ABCA9: variants seen among roughly 807,000 people sequenced by gnomAD.
ABCA9 encodes ATP-binding cassette sub-family A member 9.
A neutral mutation model predicts 205.3 loss-of-function variants in ABCA9; 183 were observed. That is an observed-to-expected ratio of 0.89 (90% CI 0.79 to 1.01). ABCA9 has a LOEUF of 1.01. ABCA9 is among the 50% of genes least tolerant of loss of function. ABCA9 has a pLI of 0.00. For missense variants in ABCA9, 1,805 were observed against 1,912.4 expected, an observed-to-expected ratio of 0.94 and a Z score of 1.05; for synonymous variants, 651 against 683.3, an observed-to-expected ratio of 0.95 and a Z score of 0.74.
At chr17:69,069,425 T>C in the ABCA9 span, among the ~76,000 whole-genome samples, 7 of 152,128 alleles carry the variant, frequency 4.6e-5, no homozygotes, top group Non-Finnish European at 1.0e-4. Flanking sequence ...GGGCAAAGCC[T>C]GTGGGCCTCA....
At chr17:69,015,824 A>T (rs1452574970) in intron 22 of ABCA9, among the ~76,000 whole-genome samples, 1 of 152,054 alleles carries the variant, frequency 6.6e-6, no homozygotes, top group African/African-American at 2.4e-5. Context: ...CTGACCTTTA[A>T]GTCTGTTTCA....
chr17:69,002,311 A>G (rs1442375026), intron 25 of ABCA9, among the ~76,000 whole-genome samples: 2 of 120,392 alleles, frequency 1.7e-5, no homozygotes, highest in Admixed American at 1.7e-4. Flanking sequence ...AGATTCTGGT[A>G]TGTTGTGTCT....
In ABCA9 at chr17:69,032,258, C is replaced by A; in HGVS notation, c.1295G>T (p.Cys432Phe). 1 of 1,613,524 alleles carries A rather than the reference C, an allele frequency of 6.2e-7. No homozygotes were observed. The highest frequency in any genetic ancestry group is 2.2e-5 in the East Asian group (1 of 44,842). ...KILPAEYGHR[C>F]SPLFFLKSCF... is the part of the protein sequence containing the mutation. ...GGATTTCAGGAAAAACAAGGGAGAA[C>A]ATCGATGTCCATATTCAGCTATGTG... Residue 432 changes from cysteine (C) to phenylalanine (F), a missense_variant, in exon 10 of 39, where the codon TGT becomes TTT. By Grantham distance (205) the Cys-to-Phe change is radical. Transcript: ENST00000340001.
chr17:68,993,709 C>T (rs756103996), intron 26 of ABCA9, among the ~76,000 whole-genome samples: 7 of 152,182 alleles, frequency 4.6e-5, no homozygotes, highest in Non-Finnish European at 7.3e-5. Flanking sequence ...ACTATCACAG[C>T]CATCCACCAT....
intron 25 of ABCA9, among the ~76,000 whole-genome samples, chr17:69,003,397 GA>G: frequency 6.9e-6 from 1 of 145,036 alleles, no homozygotes; most frequent in South Asian, 2.3e-4. Flanking sequence ...GGCTGGATAT[GA>G]AATTCTGGGT....
chr17:69,009,525 T>C (rs1351471733), intron 23 of ABCA9, among the ~76,000 whole-genome samples: 4 of 152,194 alleles, frequency 2.6e-5, no homozygotes, highest in Non-Finnish European at 4.4e-5. Context: ...CCCAGATCAC[T>C]CATGGCTTTC....
chr17:69,011,694 T>C (rs2070380634), intron 23 of ABCA9: 1 of 283,236 alleles, frequency 3.5e-6, no homozygotes, highest in Admixed American at 5.2e-5. Flanking sequence ...TGTGATTATG[T>C]CTGTGAGTAA....
upstream of ABCA9, chr17:69,061,126 G>A: frequency 1.0e-6 from 1 of 985,282 alleles, no homozygotes; most frequent in Non-Finnish European, 1.2e-6. Context: ...TACTCAGCAG[G>A]GAGTTTGTAG....
chr17:69,055,161 C>G (rs2072031059), intron 1 of ABCA9, among the ~76,000 whole-genome samples: 1 of 152,108 alleles, frequency 6.6e-6, no homozygotes, highest in Non-Finnish European at 1.5e-5. Context: ...TGTCAATAAT[C>G]ACTTTGATCA....
chr17:68,986,155 C>T lies in ABCA9; in HGVS notation c.4208+9G>A. On this transcript the variant is annotated intron_variant, in intron 32 of 38. Coordinates refer to ENST00000340001, the MANE Select transcript of ABCA9 (RefSeq NM_080283.4). ...CCAGCAAAGGGGAGTGCCCCCCAGTCCCAGGTACCGTGTGATGGCGATCAT... is the reference window on the plus strand; with the variant it reads ...CCAGCAAAGGGGAGTGCCCCCCAGTTCCAGGTACCGTGTGATGGCGATCAT... The T allele has an allele frequency of 6.2e-7, 1 of 1,601,272 alleles. No individual in the cohort carries two copies. Among genetic ancestry groups the T allele is most frequent in the Non-Finnish European group, 8.5e-7 (1 of 1,173,530 alleles).
chr17:69,027,729 T>A lies in ABCA9; in HGVS notation c.1702A>T (p.Asn568Tyr). The A allele has an allele frequency of 6.2e-7, 1 of 1,613,324 alleles. No homozygotes were observed. The highest frequency in any genetic ancestry group is 8.5e-7 in the Non-Finnish European group (1 of 1,179,634). ...SKFTGFCPQS[N>Y]VQFGFLTVKE... ...ACAGTGAGAAATCCAAATTGCACAT[T>A]GGATTGTGGACAAAATCCAGTGAAC... The change falls in exon 13 of 39, where the codon AAT (asparagine) becomes TAT (tyrosine). Residue 568 changes from asparagine (N) to tyrosine (Y), a missense_variant. Asn to Tyr is a moderately radical substitution (Grantham distance 143). Transcript: ENST00000340001.
rs2068855512 is a variant in ABCA9 at position 68,974,501 on chromosome 17, G to A, written c.*1414C>T. The A allele has an allele frequency of 6.6e-6, 1 of 152,186 alleles. No homozygotes were observed. Among genetic ancestry groups the A allele is most frequent in the Non-Finnish European group, 1.5e-5 (1 of 68,042 alleles). 9.4% of individuals were successfully genotyped at this position (152,186 alleles called of 1,614,324 possible). ...AGACGAATATTCTTACGGGTTGATG[G>A]AAGTGTTTTATTTTCAAAAACTAGA... is the stretch of plus-strand genomic sequence containing the variant. On this transcript the variant is annotated 3_prime_UTR_variant, in exon 39 of 39. Transcript: ENST00000340001.
chr17:68,982,532 A>G lies in ABCA9; in HGVS notation c.4720+30T>C, dbSNP rs187225963. 7.4e-5 allele frequency: 115 copies of G among 1,555,216 alleles called. No homozygotes were observed. In the African/African-American group the frequency reaches 1.3e-3, roughly 18 times the overall value. On this transcript the variant is annotated intron_variant, in intron 37 of 38. Coordinates refer to ENST00000340001, the MANE Select transcript of ABCA9 (RefSeq NM_080283.4). Reference sequence around the variant, plus strand: ...TCAGATTTAGGCTTATCTGTTTCCCAGAGTTTTGTCTCTAAACAGTCACTC... The same window carrying G: ...TCAGATTTAGGCTTATCTGTTTCCCGGAGTTTTGTCTCTAAACAGTCACTC...
intron 37 of ABCA9, among the ~76,000 whole-genome samples, chr17:68,981,781 G>C (rs761282293): frequency 7.1e-6 from 1 of 141,214 alleles, no homozygotes; most frequent in South Asian, 2.3e-4. Flanking sequence ...AGCCGAGATT[G>C]TGCCACTGCA....
chr17:69,029,339 T>C, intron 10 of ABCA9, 112 bp from the exon 11 acceptor site: 1 of 617,482 alleles, frequency 1.6e-6, no homozygotes, highest in Non-Finnish European at 2.7e-6. Flanking sequence ...GATTCTTTTC[T>C]TGTAAAGCCT....
Position 69,035,651 on chromosome 17 carries a change from C to G in ABCA9, c.942+9G>C. 2 of 1,611,836 alleles carry G rather than the reference C, an allele frequency of 1.2e-6. No individual in the cohort carries two copies. The highest frequency in any genetic ancestry group is 1.7e-6 in the Non-Finnish European group (2 of 1,179,174). On this transcript the variant is annotated intron_variant, in intron 7 of 38. Coordinates refer to ENST00000340001, the MANE Select transcript of ABCA9 (RefSeq NM_080283.4). ...GAATAAAAGACTTAGATGAAATTAA[C>G]CAACTCACCAAAGACAGGCCATAGA...
chr17:69,032,827 C>G (rs1342950394), intron 9 of ABCA9: 1 of 152,342 alleles, frequency 6.6e-6, no homozygotes, highest in Non-Finnish European at 1.5e-5. Flanking sequence ...TTAAAATAAT[C>G]AGCGAGTCAT....
rs2070889197 is a variant in ABCA9 at position 69,023,593 on chromosome 17, A to G, written c.2281+621T>C. 6.6e-6 allele frequency among the ~76,000 whole-genome samples: 1 copy of G among 152,330 alleles called. No homozygotes were observed. The highest frequency in any genetic ancestry group is 6.5e-5 in the Admixed American group (1 of 15,304). ...ATAATTTCTTGAACTTGATATGGCA[A>G]ACACATTTTTACAGAGTAAACTTAA... On this transcript the variant is annotated intron_variant, in intron 17 of 38. Transcript: ENST00000340001. This position sits in a 1 kb window ranked among gnomAD's most constrained non-coding sequence, Gnocchi z 4.2.
In ABCA9 at chr17:69,027,687, G is replaced by A. The variant is rs773861968; in HGVS notation, c.1744C>T (p.Leu582=). The A allele has an allele frequency of 1.2e-6, 2 of 1,613,380 alleles. No homozygotes were observed. The highest frequency in any genetic ancestry group is 2.7e-5 in the African/African-American group (2 of 74,858). The part of the protein sequence containing the change: ...GFLTVKENLR[L]FAKIKGILPH... ...AAAATCCCTTTTATTTTAGCAAACA[G>A]CCTGAGGTTTTCTTTCACAGTGAGA... The change falls in exon 13 of 39, where the codon CTG becomes TTG. Residue 582 remains leucine (L), a synonymous_variant. Transcript: ENST00000340001.
Sources: gnomAD v4.1 joint callset for allele counts (sites outside exome capture counted in the v4.1 genomes callset) on GRCh38, gnomAD v4.1.1 for gene constraint, Gnocchi (gnomAD v3.1) non-coding constraint, MANE v1.5 for transcripts, NCBI Gene and HGNC (gene_info 2026-07-23, HGNC 2026-07-21) for gene names.